The following TNRC6B variants were observed in gnomAD, a reference collection of about 807,000 sequenced individuals.
The protein encoded by TNRC6B is trinucleotide repeat containing adaptor 6B.
A neutral mutation model predicts 203.6 loss-of-function variants in TNRC6B; 52 were observed. The ratio of observed to expected loss-of-function variants is 0.26; its 90% CI spans 0.20 to 0.32. TNRC6B has a LOEUF of 0.32. TNRC6B is among the 10% of genes least tolerant of loss of function. The pLI is 1.00. For synonymous variants in TNRC6B, 838 were observed against 845.7 expected, an observed-to-expected ratio of 0.99 and a Z score of 0.16; for missense variants, 1,923 against 2,286.2, an observed-to-expected ratio of 0.84 and a Z score of 3.24.
At chr22:40,075,678 C>T (rs1428108004) in intron 1 of TNRC6B, among the ~76,000 whole-genome samples, 1 of 151,914 alleles carries the variant, frequency 6.6e-6, no homozygotes, top group Non-Finnish European at 1.5e-5. Flanking sequence ...CTATTTATCC[C>T]ATCTGTTTTC....
chr22:40,116,878 T>G (rs1198567346), intron 1 of TNRC6B, among the ~76,000 whole-genome samples: 2 of 152,228 alleles, frequency 1.3e-5, no homozygotes, highest in Admixed American at 1.3e-4. Flanking sequence ...GAAGAAGGTG[T>G]TGTTATTGTT....
chr22:40,241,242 G>A (rs2070024481), intron 1 of TNRC6B, among the ~76,000 whole-genome samples: 1 of 152,168 alleles, frequency 6.6e-6, no homozygotes, highest in South Asian at 2.1e-4. Flanking sequence ...GCTGTCACCT[G>A]TAGCCCTTTC....
chr22:40,236,389 A>G (rs1487563006), intron 1 of TNRC6B, among the ~76,000 whole-genome samples: 1 of 152,186 alleles, frequency 6.6e-6, no homozygotes, highest in African/African-American at 2.4e-5. Flanking sequence ...GCATAATTCC[A>G]TGGAGATTCA....
intron 7 of TNRC6B, 79 bp from the exon 8 acceptor site, chr22:40,276,998 A>AT: frequency 9.1e-7 from 1 of 1,095,776 alleles, no homozygotes; most frequent in Non-Finnish European, 1.3e-6. Context: ...TCAAGTCTAC[A>AT]TTTTCAGTCT....
intron 1 of TNRC6B, 132 bp downstream of exon 1, chr22:40,178,272 G>T: frequency 3.9e-6 from 4 of 1,021,766 alleles, no homozygotes; most frequent in Non-Finnish European, 5.8e-6. Flanking sequence ...GTGGATCTGT[G>T]TAAATCAGAC....
intron 1 of TNRC6B, among the ~76,000 whole-genome samples, chr22:40,224,285 G>C (rs995040619): frequency 6.6e-6 from 1 of 152,134 alleles, no homozygotes; most frequent in Non-Finnish European, 1.5e-5. Flanking sequence ...GATTATAGGC[G>C]TGAACCACCA....
intron 1 of TNRC6B, among the ~76,000 whole-genome samples, chr22:40,189,917 C>T (rs1198466324): frequency 1.3e-5 from 2 of 151,976 alleles, no homozygotes. Context: ...AAAATTTTAA[C>T]AAAAAAGTAG....
chr22:40,239,019 A>G (rs910807352), intron 1 of TNRC6B, among the ~76,000 whole-genome samples: 1 of 152,120 alleles, frequency 6.6e-6, no homozygotes, highest in South Asian at 2.1e-4. Context: ...GCCAGCCAAC[A>G]TAGTGAGACC....
In TNRC6B at chr22:40,069,946, A is replaced by G. The variant is rs377388651; in HGVS notation, c.-121+24948A>G. Among the ~76,000 whole-genome samples the G allele has an allele frequency of 1.7e-3, 265 of 152,152 alleles. 9 individuals carry two copies. The South Asian group carries it at 0.054, about 31-fold the overall frequency. ...TTGTAGGAGGTGGGGAGTTGGGAGG[A>G]TTGGTGTATATTAAAAGAAAAAATT... On this transcript the variant is annotated intron_variant, in intron 1 of 23. Transcript: ENST00000301923.
intron 3 of TNRC6B, among the ~76,000 whole-genome samples, chr22:40,153,550 A>G (rs1207221882): frequency 4.9e-5 from 1 of 20,212 alleles, no homozygotes; most frequent in African/African-American, 7.5e-4. Context: ...ACTAAGCTAG[A>G]AAAAAAAAAA....
At chr22:40,173,127 T>G (rs551740201), upstream of TNRC6B, among the ~76,000 whole-genome samples, 3 of 151,196 alleles carry the variant, frequency 2.0e-5, no homozygotes, top group Non-Finnish European at 4.4e-5. Flanking sequence ...TGTTTTTTGG[T>G]TTTTTTTTGA....
rs191674146 is a variant in TNRC6B at position 40,164,721 on chromosome 22, C to T, written c.113+8539C>T. On this transcript the variant is annotated intron_variant, in intron 4 of 23. Coordinates refer to the TNRC6B transcript ENST00000301923. ...AGGTTGTGGTGAGCCGAGATCGCGC[C>T]ATTACACTCCAGCCTGAGCAACGAG... Among the ~76,000 whole-genome samples the T allele has an allele frequency of 1.3e-4, 19 of 143,336 alleles. No homozygotes were observed. In the East Asian group the frequency reaches 4.0e-3, roughly 31 times the overall value. 94.0% of individuals were successfully genotyped at this position (143,336 alleles called of 152,430 possible). A position where few individuals can be genotyped will look rare whatever the true frequency, so the allele number is the denominator to read the frequency against.
intron 1 of TNRC6B, among the ~76,000 whole-genome samples, chr22:40,085,044 T>G (rs1382886766): frequency 6.6e-6 from 1 of 152,200 alleles, no homozygotes; most frequent in Non-Finnish European, 1.5e-5. Context: ...CTCCCTCTTG[T>G]AGAGCACTTG....
intron 1 of TNRC6B, among the ~76,000 whole-genome samples, chr22:40,074,970 T>C (rs1406300932): frequency 1.3e-5 from 2 of 151,392 alleles, no homozygotes; most frequent in African/African-American, 4.9e-5. Flanking sequence ...AGAAAAATAC[T>C]GTTACCATAA....
Position 40,281,251 on chromosome 22 carries a change from G to A in TNRC6B, c.3544G>A (p.Gly1182Ser), listed in dbSNP as rs375179687. 8 of 1,549,442 alleles carry A rather than the reference G, an allele frequency of 5.2e-6. No homozygotes were observed. Among genetic ancestry groups the A allele is most frequent in the Middle Eastern group, 1.7e-4 (1 of 6,006 alleles). The change falls in exon 11 of 23, where the codon GGC becomes AGC. Residue 1182 changes from glycine to serine, a missense_variant. Coordinates refer to ENST00000454349, the MANE Select transcript of TNRC6B (RefSeq NM_001162501.2). ...TLPNVSLGAIGTGLNPQNFAA... is the reference protein window; with the variant it reads ...TLPNVSLGAISTGLNPQNFAA... Reference sequence around the variant, plus strand: ...ACCCAACGTCAGCCTTGGAGCAATCGGCACAGGGCTCAACCCCCAAAACTT... The same window carrying A: ...ACCCAACGTCAGCCTTGGAGCAATCAGCACAGGGCTCAACCCCCAAAACTT...
At chr22:40,181,231 G>A (rs2069124796) in intron 1 of TNRC6B, among the ~76,000 whole-genome samples, 1 of 152,112 alleles carries the variant, frequency 6.6e-6, no homozygotes, top group African/African-American at 2.4e-5. Context: ...CAGCTCTTCA[G>A]CTCTACAAGA....
At chr22:40,088,064 T>A (rs2068115418) in intron 1 of TNRC6B, among the ~76,000 whole-genome samples, 1 of 152,226 alleles carries the variant, frequency 6.6e-6, no homozygotes, top group African/African-American at 2.4e-5. Flanking sequence ...AAAGAAACTT[T>A]TAATAAACGG....
At chr22:40,301,062 A>G in intron 14 of TNRC6B, 57 bp downstream of exon 14, 1 of 1,579,854 alleles carries the variant, frequency 6.3e-7, no homozygotes, top group African/African-American at 1.3e-5. Context: ...ATCCCGGCTT[A>G]GCCTCTGATG....
chr22:40,297,119 G>A (rs982307331), intron 12 of TNRC6B, among the ~76,000 whole-genome samples: 4 of 152,210 alleles, frequency 2.6e-5, no homozygotes, highest in Non-Finnish European at 4.4e-5. Flanking sequence ...TTGATTGGTA[G>A]AAATACTGGC....
Sources: allele counts gnomAD v4.1 joint callset (sites outside exome capture counted in the v4.1 genomes callset), GRCh38; gene constraint gnomAD v4.1.1; transcripts MANE v1.5; gene names NCBI Gene and HGNC (gene_info 2026-07-23, HGNC 2026-07-21).